EPB41L2: variants seen among roughly 807,000 people sequenced by gnomAD.
The protein encoded by EPB41L2 is band 4.1-like protein 2.
A neutral mutation model predicts 113.0 loss-of-function variants in EPB41L2; 43 were observed. The ratio of observed to expected loss-of-function variants is 0.38; its 90% confidence interval spans 0.30 to 0.49. The LOEUF (loss-of-function observed/expected upper bound fraction) is 0.49. Ranked by LOEUF, EPB41L2 falls within the 20% of genes least tolerant of loss-of-function variation. The pLI is 0.95. For synonymous variants in EPB41L2, 442 were observed against 436.7 expected, an observed-to-expected ratio of 1.01 and a Z score of -0.15; for missense variants, 1,147 against 1,223.4, an observed-to-expected ratio of 0.94 and a Z score of 0.93.
intron 1 of EPB41L2, among the ~76,000 whole-genome samples, chr6:131,009,981 G>T (rs1301434254): frequency 1.3e-5 from 2 of 152,238 alleles, no homozygotes; most frequent in Admixed American, 1.3e-4. Context: ...CCAGGGACAA[G>T]TCCAGTGACA....
At chr6:130,913,720 A>C (rs957486584) in intron 4 of EPB41L2, among the ~76,000 whole-genome samples, 4 of 152,242 alleles carry the variant, frequency 2.6e-5, no homozygotes, top group Admixed American at 2.6e-4. Context: ...AGTAAAAAAA[A>C]AATGACTTAA....
intron 1 of EPB41L2, among the ~76,000 whole-genome samples, chr6:130,963,765 A>G (rs1774236709): frequency 6.6e-6 from 1 of 152,192 alleles, no homozygotes; most frequent in Non-Finnish European, 1.5e-5. Context: ...TAAATCATGA[A>G]GGACTCTAAT....
chr6:130,931,540 T>C lies in EPB41L2; in HGVS notation c.706-4831A>G, dbSNP rs540963705. Reference sequence around the variant, plus strand: ...TTATCAGGTGACACATATTAAATGCTACATATGAATGTTCCAAGTTATAAC... The same window carrying C: ...TTATCAGGTGACACATATTAAATGCCACATATGAATGTTCCAAGTTATAAC... On this transcript the variant is annotated intron_variant, in intron 3 of 19. Transcript: ENST00000337057. 3.3e-5 allele frequency among the ~76,000 whole-genome samples: 5 copies of C among 152,304 alleles called. No homozygotes were observed. In the East Asian group the frequency reaches 7.7e-4, roughly 24 times the overall value.
chr6:130,983,814 A>T (rs1779916252), intron 1 of EPB41L2, among the ~76,000 whole-genome samples: 1 of 152,100 alleles, frequency 6.6e-6, no homozygotes, highest in African/African-American at 2.4e-5. Flanking sequence ...CTGGCATGGG[A>T]TACCATGCCC....
At chr6:130,894,570 C>T in intron 9 of EPB41L2, 129 bp from the exon 10 acceptor site, 1 of 739,540 alleles carries the variant, frequency 1.4e-6, no homozygotes, top group Non-Finnish European at 2.2e-6. Context: ...TATTGCATAT[C>T]TAATATAATC....
intron 1 of EPB41L2, among the ~76,000 whole-genome samples, chr6:130,978,954 A>G (rs1318430801): frequency 6.6e-6 from 1 of 152,212 alleles, no homozygotes; most frequent in African/African-American, 2.4e-5. Flanking sequence ...TAAGTGAAGG[A>G]CACAGAATCA....
intron 1 of EPB41L2, among the ~76,000 whole-genome samples, chr6:130,975,608 T>C (rs925126521): frequency 2.0e-5 from 3 of 152,230 alleles, no homozygotes; most frequent in African/African-American, 7.2e-5. Context: ...TTATCTCACT[T>C]CTGCTCATCT....
chr6:131,018,674 A>C (rs1788777618), intron 1 of EPB41L2, among the ~76,000 whole-genome samples: 1 of 152,212 alleles, frequency 6.6e-6, no homozygotes, highest in Non-Finnish European at 1.5e-5. Context: ...CTTTAAGTCT[A>C]AATGTAATGC....
rs767470524 is a variant in EPB41L2 at position 130,870,045 on chromosome 6, T to C, written c.2125A>G (p.Met709Val). Residue 709 changes from methionine to valine, a missense_variant, in exon 15 of 20, where the codon ATG becomes GTG. By Grantham distance (21) the Met-to-Val change is conservative. Coordinates refer to ENST00000337057, the MANE Select transcript of EPB41L2 (RefSeq NM_001431.4). ...GKDERVITEEMNGKEISPGSG... is the reference protein window; with the variant it reads ...GKDERVITEEVNGKEISPGSG... ...CCAGGTGATATCTCTTTACCATTCA[T>C]TTCTTCTGTGATTACTCTTTCGTCT... The C allele has an allele frequency of 5.6e-6, 9 of 1,614,042 alleles. No homozygotes were observed. In the East Asian group the frequency reaches 8.9e-5, roughly 16 times the overall value.
intron 4 of EPB41L2, among the ~76,000 whole-genome samples, chr6:130,914,004 A>G (rs1800201362): frequency 6.6e-6 from 1 of 152,194 alleles, no homozygotes; most frequent in African/African-American, 2.4e-5. Context: ...TTAGACTTAA[A>G]GATTTGTCTG....
Position 130,995,788 on chromosome 6 carries a change from C to T in EPB41L2, c.-14-39289G>A, listed in dbSNP as rs182446114. 2.7e-3 allele frequency among the ~76,000 whole-genome samples: 417 copies of T among 152,264 alleles called. 8 individuals carry two copies. The South Asian group carries it at 0.049, about 18-fold the overall frequency. The stretch of plus-strand genomic sequence containing the variant: ...GATCCTTTCCTCCTCCTATGGTCAG[C>T]CTCACTCCCATGATTTACACTAGCT... On this transcript the variant is annotated intron_variant, in intron 1 of 19. Coordinates refer to ENST00000337057, the MANE Select transcript of EPB41L2 (RefSeq NM_001431.4).
At chr6:131,009,956 G>A (rs1322148240) in intron 1 of EPB41L2, among the ~76,000 whole-genome samples, 1 of 152,168 alleles carries the variant, frequency 6.6e-6, no homozygotes, top group Non-Finnish European at 1.5e-5. Flanking sequence ...TGTGCAATCA[G>A]GCATGTTCAA....
chr6:130,883,421 T>G (rs1178130452), intron 12 of EPB41L2, among the ~76,000 whole-genome samples: 1 of 152,216 alleles, frequency 6.6e-6, no homozygotes, highest in Non-Finnish European at 1.5e-5. Flanking sequence ...ATTTTCAAAC[T>G]AGTTGCAAAT....
At chr6:130,994,935 C>G (rs1027117412) in intron 1 of EPB41L2, among the ~76,000 whole-genome samples, 1 of 152,250 alleles carries the variant, frequency 6.6e-6, no homozygotes, top group East Asian at 1.9e-4. Context: ...GCCCCCTCCC[C>G]GCTGAGTTCT....
In EPB41L2 at chr6:130,890,377, C is replaced by A. The variant is rs200008469; in HGVS notation, c.1577G>T (p.Arg526Leu). 1.2e-6 allele frequency: 2 copies of A among 1,612,434 alleles called. No individual in the cohort carries two copies. The highest frequency in any genetic ancestry group is 2.2e-5 in the East Asian group (1 of 44,810). The change falls in exon 11 of 20, where the codon CGC (arginine) becomes CTC (leucine). Residue 526 changes from arginine (R) to leucine (L), a missense_variant. By Grantham distance (102) the Arg-to-Leu change is moderately radical. Transcript: ENST00000337057. Reference sequence around the variant, plus strand: ...CCTATCTATGAGGGTGCTGGCCTGGCGGGTCTGTGCTTGGGTGCGGCCACT... The same window carrying A: ...CCTATCTATGAGGGTGCTGGCCTGGAGGGTCTGTGCTTGGGTGCGGCCACT... ...RYSGRTQAQT[R>L]QASTLIDRPA...
At chr6:130,954,040 C>CTTTTCT (rs1816394367) in intron 3 of EPB41L2, among the ~76,000 whole-genome samples, 1 of 58,850 alleles carries the variant, frequency 1.7e-5, no homozygotes, top group African/African-American at 5.4e-5. Context: ...CCTTTTCTTT[C>CTTTTCT]TTTTTTTTTT....
chr6:131,046,074 G>A (rs1795403816), intron 1 of EPB41L2, among the ~76,000 whole-genome samples: 1 of 134,116 alleles, frequency 7.5e-6, no homozygotes, highest in Non-Finnish European at 1.6e-5. Flanking sequence ...AGTCTCCGAA[G>A]CTAATTTTTT....
chr6:131,025,844 C>G (rs1372180266), intron 1 of EPB41L2, among the ~76,000 whole-genome samples: 1 of 152,200 alleles, frequency 6.6e-6, no homozygotes, highest in African/African-American at 2.4e-5. Flanking sequence ...TGCCAGCAAT[C>G]TTGGTCCACT....
rs779244974 is a variant in EPB41L2 at position 130,901,129 on chromosome 6, G to A, written c.981C>T (p.Pro327=). ...LRQDIASGRL[P]CSFVTHALLG... is the part of the protein sequence containing the mutation. ...GGAGAGCATGAGTCACAAAAGAGCA[G>A]GGCAGGCGGCCAGAGGCAATGTCCT... Residue 327 remains proline (P), a synonymous_variant, in exon 7 of 20, where the codon CCC becomes CCT. Transcript: ENST00000337057. 6.2e-7 allele frequency: 1 copy of A among 1,614,090 alleles called. No individual in the cohort carries two copies. The highest frequency in any genetic ancestry group is 8.5e-7 in the Non-Finnish European group (1 of 1,180,002).
Sources: gnomAD v4.1 joint callset for allele counts (sites outside exome capture counted in the v4.1 genomes callset) on GRCh38, gnomAD v4.1.1 for gene constraint, MANE v1.5 for transcripts, NCBI Gene and HGNC (gene_info 2026-07-23, HGNC 2026-07-21) for gene names.